ITGAV: variants seen among roughly 807,000 people sequenced by gnomAD.
ITGAV encodes the protein integrin subunit alpha V, also known as integrin alpha-V.
Under a neutral mutation model 143.8 loss-of-function variants are expected in ITGAV, and 76 were observed. That is an observed-to-expected ratio of 0.53 (90% CI 0.44 to 0.64). ITGAV has a LOEUF of 0.64. Among genes scored for constraint, ITGAV ranks in the 30% least tolerant of loss-of-function variants. ITGAV has a pLI of 0.00. For missense variants in ITGAV, 1,193 were observed against 1,274.7 expected, an observed-to-expected ratio of 0.94 and a Z score of 0.98; for synonymous variants, 453 against 446.7, an observed-to-expected ratio of 1.01 and a Z score of -0.18.
rs754580585 is a variant in ITGAV at position 186,641,462 on chromosome 2, G to T, written c.1033G>T (p.Val345Phe). The T allele has an allele frequency of 1.2e-6, 2 of 1,614,102 alleles. No individual in the cohort carries two copies. The highest frequency in any genetic ancestry group is 2.2e-5 in the South Asian group (2 of 91,080). ...SDGKLQEVGQ[V>F]SVSLQRASGD... ...TGGCAAACTCCAAGAGGTGGGGCAG[G>T]TCTCAGTGTCTCTACAGAGAGCTTC... The change falls in exon 12 of 30, where the codon GTC becomes TTC. Residue 345 changes from valine to phenylalanine, a missense_variant. Transcript: ENST00000261023.
intron 2 of ITGAV, among the ~76,000 whole-genome samples, chr2:186,608,454 T>A (rs904627611): frequency 6.6e-6 from 1 of 152,174 alleles, no homozygotes; most frequent in African/African-American, 2.4e-5. Context: ...ACAACAAAAA[T>A]TTTACAGTAA....
intron 2 of ITGAV, among the ~76,000 whole-genome samples, chr2:186,620,704 A>G (rs1019526870): frequency 6.6e-6 from 1 of 152,218 alleles, no homozygotes; most frequent in Non-Finnish European, 1.5e-5. Context: ...TTGAGGCCAC[A>G]GTGAGCTGTG....
At chr2:186,648,289 A>G (rs1484853064) in intron 13 of ITGAV, among the ~76,000 whole-genome samples, 2 of 152,176 alleles carry the variant, frequency 1.3e-5, no homozygotes, top group Non-Finnish European at 1.5e-5. Flanking sequence ...CACATGGTCA[A>G]GTTACCATCC....
intron 1 of ITGAV, among the ~76,000 whole-genome samples, chr2:186,591,357 T>G (rs530517960): frequency 2.6e-5 from 4 of 152,314 alleles, no homozygotes; most frequent in Non-Finnish European, 5.9e-5. Flanking sequence ...TCTCCGACTT[T>G]ACTGAATGCT....
intron 1 of ITGAV, among the ~76,000 whole-genome samples, chr2:186,597,836 T>C (rs767983541): frequency 1.2e-4 from 18 of 152,156 alleles, no homozygotes; most frequent in Non-Finnish European, 2.1e-4. Context: ...GGTTACATGC[T>C]TCTTATGAGA....
chr2:186,627,547 C>T (rs904651111), intron 4 of ITGAV, among the ~76,000 whole-genome samples: 1 of 152,086 alleles, frequency 6.6e-6, no homozygotes, highest in Non-Finnish European at 1.5e-5. Context: ...TTGGTTTAGG[C>T]ACAGAAATTA....
chr2:186,617,805 C>G (rs1483739343), intron 2 of ITGAV, among the ~76,000 whole-genome samples: 6 of 152,058 alleles, frequency 3.9e-5, no homozygotes, highest in African/African-American at 1.4e-4. Context: ...GTGAACAGAG[C>G]TAATCTTCCA....
chr2:186,651,963 C>A lies in ITGAV; in HGVS notation c.1398-19C>A, dbSNP rs202164884. 81 of 1,463,804 alleles carry A rather than the reference C, an allele frequency of 5.5e-5. No homozygotes were observed. Among genetic ancestry groups the A allele is most frequent in the Non-Finnish European group, 7.5e-5 (80 of 1,060,750 alleles). The allele number at this position is 1,463,804 out of a possible 1,614,324, so 90.7% of individuals were successfully genotyped here. A position where few individuals can be genotyped will look rare whatever the true frequency, so the allele number is the denominator to read the frequency against. On this transcript the variant is annotated intron_variant, in intron 14 of 29. Coordinates refer to ENST00000261023, the MANE Select transcript of ITGAV (RefSeq NM_002210.5). ...TTTAAATAATTTTTTACTTCATCTT[C>A]TTTTCCCTCCCCCGCTAGGGCCAGA...
At position 186,626,595 on chromosome 2, in the gene ITGAV, T is replaced by G. The variant is rs537443571; in HGVS notation, c.523+1008T>G. ...CTGTGACACCAGGTCAAAGGAACTA[T>G]TCTGTCCTCCAGATTCTAAGTAGTT... On this transcript the variant is annotated intron_variant, in intron 4 of 29. Coordinates refer to ENST00000261023, the MANE Select transcript of ITGAV (RefSeq NM_002210.5). Among the ~76,000 whole-genome samples the G allele has an allele frequency of 5.8e-4, 89 of 152,362 alleles. 1 individual carries two copies. In the South Asian group the frequency reaches 0.017, roughly 28 times the overall value.
chr2:186,621,665 T>TCTATCC (rs770427617), intron 2 of ITGAV, among the ~76,000 whole-genome samples: 5 of 152,228 alleles, frequency 3.3e-5, no homozygotes, highest in Non-Finnish European at 7.3e-5. Flanking sequence ...TTTTGAGGAC[T>TCTATCC]CTATCCCAGG....
rs955173282 is a variant in ITGAV, at chr2:186,664,502, A to G, written c.1934A>G (p.Lys645Arg). The change falls in exon 20 of 30, where the codon AAG becomes AGG. Residue 645 changes from lysine (K) to arginine (R), a missense_variant. Coordinates refer to ENST00000261023, the MANE Select transcript of ITGAV (RefSeq NM_002210.5). The stretch of plus-strand genomic sequence containing the variant: ...GTATTGTTAACTTGTAGTGATCAAA[A>G]GAAGATCTATATTGGGGATGACAAC... ...KLEVSVDSDQ[K>R]KIYIGDDNPL... The G allele has an allele frequency of 1.9e-6, 3 of 1,613,772 alleles. No individual in the cohort carries two copies. The highest frequency in any genetic ancestry group is 2.7e-5 in the African/African-American group (2 of 74,894).
chr2:186,601,959 T>C, intron 1 of ITGAV, 62 bp from the exon 2 acceptor site: 2 of 1,514,254 alleles, frequency 1.3e-6, no homozygotes, highest in Non-Finnish European at 1.8e-6. Context: ...TCCTCATAAA[T>C]CAGAAGATAT....
intron 22 of ITGAV, 102 bp from the exon 23 acceptor site, chr2:186,667,048 C>G: frequency 1.3e-6 from 1 of 772,144 alleles, no homozygotes; most frequent in Admixed American, 2.7e-5. Context: ...ATAAGCTTTA[C>G]ACTTGTTTCG....
chr2:186,641,015 C>G (rs754419974), intron 11 of ITGAV, 48 bp downstream of exon 11: 1 of 1,340,488 alleles, frequency 7.5e-7, no homozygotes, highest in Non-Finnish European at 1.1e-6. Flanking sequence ...CTCATGTTTA[C>G]GAATACTTTA....
At chr2:186,664,418 C>CTTCT (rs1159122161) in intron 19 of ITGAV, 76 bp from the exon 20 acceptor site, 12 of 1,400,612 alleles carry the variant, frequency 8.6e-6, no homozygotes, top group Middle Eastern at 2.1e-4. Flanking sequence ...GTATTTATCT[C>CTTCT]TTCTTTCTTT....
At chr2:186,625,699 G>A in intron 4 of ITGAV, 112 bp downstream of exon 4, 1 of 532,924 alleles carries the variant, frequency 1.9e-6, no homozygotes. Context: ...GATATTAAAA[G>A]ATATAGACAT....
intron 1 of ITGAV, chr2:186,600,367 C>T: frequency 1.3e-6 from 2 of 1,531,708 alleles, no homozygotes; most frequent in East Asian, 2.5e-5. Context: ...TGATCCTGTA[C>T]ATCTTAATGT....
chr2:186,633,197 T>C (rs1350503508), intron 5 of ITGAV, 132 bp from the exon 6 acceptor site: 1 of 378,052 alleles, frequency 2.6e-6, no homozygotes, highest in African/African-American at 2.1e-5. Flanking sequence ...CTGGTAATGA[T>C]ATAAAGATAC....
At chr2:186,593,264 T>A (rs900660687) in intron 1 of ITGAV, among the ~76,000 whole-genome samples, 3 of 152,136 alleles carry the variant, frequency 2.0e-5, no homozygotes, top group African/African-American at 7.2e-5. Context: ...TTATAGAAAA[T>A]TATTATTGAA....
Sources: gnomAD v4.1 joint callset for allele counts (sites outside exome capture counted in the v4.1 genomes callset) on GRCh38, gnomAD v4.1.1 for gene constraint, MANE v1.5 for transcripts, NCBI Gene and HGNC (gene_info 2026-07-23, HGNC 2026-07-21) for gene names.